PPM1D: variants seen among roughly 807,000 people sequenced by gnomAD.
PPM1D encodes protein phosphatase, Mg2+/Mn2+ dependent 1D.
A neutral mutation model predicts 58.3 loss-of-function variants in PPM1D; 52 were observed. The ratio of observed to expected loss-of-function variants is 0.89; its 90% CI spans 0.71 to 1.12. PPM1D has a LOEUF of 1.12. PPM1D is among the 50% of genes most tolerant of loss of function. The pLI, the probability that PPM1D is intolerant of heterozygous loss-of-function variation, is 0.00. For missense variants in PPM1D, 564 were observed against 777.2 expected (o/e 0.73, Z 3.26); for synonymous variants, 278 against 285.1 (o/e 0.98, Z 0.25).
At chr17:60,641,881 C>A (rs2031139924) in intron 3 of PPM1D, among the ~76,000 whole-genome samples, 1 of 152,120 alleles carries the variant, frequency 6.6e-6, no homozygotes, top group Admixed American at 6.6e-5. Context: ...CTGCCAAGTG[C>A]CACAGGAGCA....
At position 60,636,764 on chromosome 17, in the gene PPM1D, G is replaced by A. The variant is rs78214324; in HGVS notation, c.826+2787G>A. 2.0e-3 allele frequency among the ~76,000 whole-genome samples: 308 copies of A among 151,748 alleles called. 2 individuals are homozygous for A. Among genetic ancestry groups the A allele is most frequent in the African/African-American group, 6.9e-3 (287 of 41,388 alleles). On this transcript the variant is annotated intron_variant, in intron 3 of 5. Coordinates refer to ENST00000305921, the MANE Select transcript of PPM1D (RefSeq NM_003620.4). ...GCTAGAGCTCATTGCAGCCCCTAAA[G>A]TCCTGGGCTCAAGTGTTCCCCCAGC...
At position 60,647,885 on chromosome 17, in the gene PPM1D, C is replaced by T; in HGVS notation, c.827-7C>T. On this transcript the variant is annotated splice_polypyrimidine_tract_variant and splice_region_variant and intron_variant, in intron 3 of 5. Transcript: ENST00000305921. ...TACTTCTTGCTTTTTCTGCTCCCTT[C>T]CCCCAGGTGATTTGTGGAGCTATGA... is the stretch of plus-strand genomic sequence containing the variant. The T allele has an allele frequency of 3.7e-6, 6 of 1,606,646 alleles. No individual in the cohort carries two copies. The highest frequency in any genetic ancestry group is 5.1e-6 in the Non-Finnish European group (6 of 1,174,174).
At chr17:60,641,033 T>C (rs957718101) in intron 3 of PPM1D, among the ~76,000 whole-genome samples, 3 of 152,138 alleles carry the variant, frequency 2.0e-5, no homozygotes, top group Admixed American at 6.6e-5. Flanking sequence ...TTCCTTGTCT[T>C]TGCTATTGTG....
intron 1 of PPM1D, among the ~76,000 whole-genome samples, chr17:60,602,588 A>G (rs1598397199): frequency 1.3e-5 from 2 of 152,228 alleles, no homozygotes; most frequent in East Asian, 3.9e-4. Context: ...CCGGACCTTC[A>G]GGAACATTTT....
rs2143607311 is a variant in PPM1D at position 60,600,639 on chromosome 17, T to C, written c.225T>C (p.Ala75=). The change falls in exon 1 of 6, where the codon GCT becomes GCC. Residue 75 remains alanine (A), a synonymous_variant. Transcript: ENST00000305921. The part of the protein sequence containing the change: ...GKGPAVAARE[A]RDPLPDAGAS... ...GCCCAGCGGTGGCAGCCCGAGAGGC[T>C]CGCGACCCTCTCCCGGACGCCGGGG... The C allele has an allele frequency of 6.4e-7, 1 of 1,555,138 alleles. No individual in the cohort carries two copies. Among genetic ancestry groups the C allele is most frequent in the Non-Finnish European group, 8.7e-7 (1 of 1,153,438 alleles).
intron 3 of PPM1D, among the ~76,000 whole-genome samples, chr17:60,639,290 A>G (rs1182966706): frequency 1.3e-5 from 2 of 151,856 alleles, no homozygotes; most frequent in African/African-American, 2.4e-5. Context: ...TAAGTTTTGT[A>G]CAAAAATACA....
At chr17:60,651,998 C>T (rs1293080090) in intron 4 of PPM1D, among the ~76,000 whole-genome samples, 1 of 152,176 alleles carries the variant, frequency 6.6e-6, no homozygotes, top group East Asian at 1.9e-4. Flanking sequence ...GACATAACTA[C>T]ACTTAAAAAT....
intron 5 of PPM1D, among the ~76,000 whole-genome samples, chr17:60,657,435 A>T (rs1326110185): frequency 1.3e-5 from 2 of 152,210 alleles, no homozygotes; most frequent in Non-Finnish European, 2.9e-5. Context: ...TTGTGTTTTC[A>T]TCCTAATTTT....
intron 1 of PPM1D, among the ~76,000 whole-genome samples, chr17:60,608,999 G>A (rs898158107): frequency 3.3e-5 from 5 of 151,522 alleles, no homozygotes; most frequent in Non-Finnish European, 2.9e-5. Context: ...TGCCCTCCTC[G>A]GCCTCCCAAA....
In PPM1D at chr17:60,600,581, C is replaced by A; in HGVS notation, c.167C>A (p.Ala56Asp). ...SQPLPPRPSP[A>D]ALPGGEVSGK... is the part of the protein sequence containing the mutation. ...CCGTTGCCTCCGCGGCCGTCGCCGG[C>A]CGCCCTTCCCGGCGGCGAAGTCTCG... Residue 56 changes from alanine to aspartate, a missense_variant, in exon 1 of 6, where the codon GCC becomes GAC. By Grantham distance (126) the Ala-to-Asp change is moderately radical. Around this residue, in one of 7 missense-constraint regions of PPM1D, gnomAD observed 132 missense variants for 150.4 expected, o/e 0.88. Transcript: ENST00000305921. The A allele has an allele frequency of 6.4e-7, 1 of 1,553,448 alleles. No homozygotes were observed. Among genetic ancestry groups the A allele is most frequent in the African/African-American group, 1.4e-5 (1 of 73,182 alleles).
intron 4 of PPM1D, among the ~76,000 whole-genome samples, chr17:60,656,206 AGCACTTTGGGAGGCAGAG>A (rs2031435591): frequency 6.6e-6 from 1 of 151,642 alleles, no homozygotes; most frequent in Non-Finnish European, 1.5e-5. Flanking sequence ...CTGTAATCCC[AGCACTTTGGGAGGCAGAG>A]GCGTGTGGAT....
intron 3 of PPM1D, among the ~76,000 whole-genome samples, chr17:60,636,701 C>CT (rs1019806866): frequency 3.2e-4 from 48 of 147,816 alleles, no homozygotes; most frequent in African/African-American, 4.2e-4. Flanking sequence ...GAATTTTTCT[C>CT]TTTTTTTTTT....
intron 5 of PPM1D, chr17:60,657,254 G>A: frequency 3.0e-6 from 1 of 330,976 alleles, no homozygotes; most frequent in Non-Finnish European, 4.3e-6. Flanking sequence ...AAATTGAGCT[G>A]GACCTGAGGA....
At chr17:60,616,581 G>C (rs1245580186) in intron 1 of PPM1D, among the ~76,000 whole-genome samples, 1 of 152,104 alleles carries the variant, frequency 6.6e-6, no homozygotes, top group Non-Finnish European at 1.5e-5. Context: ...CTGCACTCCG[G>C]CCTGGGTGAC....
chr17:60,636,749 A>C (rs1032247706), intron 3 of PPM1D, among the ~76,000 whole-genome samples: 7 of 151,578 alleles, frequency 4.6e-5, no homozygotes, highest in Non-Finnish European at 8.8e-5. Context: ...GCTAGAGCTC[A>C]TTGCAGCCCC....
intron 4 of PPM1D, among the ~76,000 whole-genome samples, chr17:60,654,433 G>A (rs1166732780): frequency 1.5e-5 from 2 of 137,836 alleles, no homozygotes; most frequent in Admixed American, 7.3e-5. Context: ...GAGCCCAGGA[G>A]GTGGAGACTG....
rs2143734332 is a variant in PPM1D at position 60,663,798 on chromosome 17, G to T, written c.*246G>T. The T allele has an allele frequency of 2.2e-6, 1 of 455,504 alleles. No individual in the cohort carries two copies. The highest frequency in any genetic ancestry group is 4.0e-6 in the Non-Finnish European group (1 of 251,936). The allele number at this position is 455,504 out of a possible 1,614,324, so 28.2% of individuals were successfully genotyped here. A position where few individuals can be genotyped will look rare whatever the true frequency, so the allele number is the denominator to read the frequency against. ...TTGTATCCACACAAATTCAGTCTCT[G>T]AATACACAGTATTCAGAGTCTCTGA... On this transcript the variant is annotated 3_prime_UTR_variant, in exon 6 of 6. Coordinates refer to ENST00000305921, the MANE Select transcript of PPM1D (RefSeq NM_003620.4).
At position 60,665,409 on chromosome 17, in the gene PPM1D, C is replaced by T. The variant is rs1306175873; in HGVS notation, c.*1857C>T. 1 of 152,114 alleles carries T rather than the reference C, an allele frequency of 6.6e-6. No homozygotes were observed. The highest frequency in any genetic ancestry group is 1.5e-5 in the Non-Finnish European group (1 of 68,048). The allele number at this position is 152,114 out of a possible 1,614,324, so 9.4% of individuals were successfully genotyped here. ...ATTTTTAGTAGAGATGGGTTTTCAT[C>T]ATGTTGGCCAAGATGGTCTTGATCT... On this transcript the variant is annotated 3_prime_UTR_variant, in exon 6 of 6. Transcript: ENST00000305921.
At chr17:60,632,065 C>T (rs1161166145) in intron 2 of PPM1D, among the ~76,000 whole-genome samples, 2 of 151,980 alleles carry the variant, frequency 1.3e-5, no homozygotes, top group Admixed American at 1.3e-4. Context: ...GTAGTCCCAG[C>T]TACTCATAGT....
Sources: allele counts gnomAD v4.1 joint callset (sites outside exome capture counted in the v4.1 genomes callset), GRCh38; gene constraint gnomAD v4.1.1; regional missense constraint gnomAD v4.1.1; transcripts MANE v1.5; gene names NCBI Gene and HGNC (gene_info 2026-07-23, HGNC 2026-07-21).